GTF2B: variants seen among roughly 807,000 people sequenced by gnomAD.
The protein encoded by GTF2B is general transcription factor IIB.
A neutral mutation model predicts 34.6 loss-of-function variants in GTF2B; 20 were observed. The ratio of observed to expected loss-of-function variants is 0.58; its 90% confidence interval spans 0.41 to 0.84. The LOEUF (loss-of-function observed/expected upper bound fraction) is 0.84, where lower values mean the gene tolerates loss of function less well. Ranked by LOEUF, GTF2B falls within the 40% of genes least tolerant of loss-of-function variation. The pLI is 0.00. For synonymous variants in GTF2B, 142 were observed against 132.4 expected, an observed-to-expected ratio of 1.07 and a Z score of -0.50; for missense variants, 237 against 393.3, an observed-to-expected ratio of 0.60 and a Z score of 3.36.
At chr1:88,878,358 AATC>A (rs1673858418) in intron 2 of GTF2B, among the ~76,000 whole-genome samples, 1 of 152,234 alleles carries the variant, frequency 6.6e-6, no homozygotes, top group South Asian at 2.1e-4. Flanking sequence ...GCTAATACCA[AATC>A]ATAACACTTC....
At chr1:88,855,068 T>A (rs1272506992) in intron 6 of GTF2B, among the ~76,000 whole-genome samples, 3 of 152,218 alleles carry the variant, frequency 2.0e-5, no homozygotes, top group Admixed American at 2.0e-4. Context: ...GCAACAAGAT[T>A]AATGTTTTCA....
At chr1:88,873,538 G>A (rs1673748331) in intron 2 of GTF2B, among the ~76,000 whole-genome samples, 1 of 151,952 alleles carries the variant, frequency 6.6e-6, no homozygotes, top group Non-Finnish European at 1.5e-5. Context: ...TACAGGTAGG[G>A]TTGCTATAAT....
At chr1:88,878,921 A>T (rs1197034094) in intron 2 of GTF2B, among the ~76,000 whole-genome samples, 1 of 152,250 alleles carries the variant, frequency 6.6e-6, no homozygotes, top group Non-Finnish European at 1.5e-5. Context: ...CAAGTGAAGA[A>T]GTTATCATAG....
At position 88,864,683 on chromosome 1, in the gene GTF2B, A is replaced by C. The variant is rs115061466; in HGVS notation, c.125-569T>G. 2.9e-3 allele frequency among the ~76,000 whole-genome samples: 449 copies of C among 152,336 alleles called. 4 individuals are homozygous for C. The highest frequency in any genetic ancestry group is 0.01 in the African/African-American group (427 of 41,586). On this transcript the variant is annotated intron_variant, in intron 2 of 6. Transcript: ENST00000370500. ...GCCTGGTAGGCAAACTTTTCTCTTT[A>C]AGCAAAGAGGCAGCATCTAAATATA...
intron 2 of GTF2B, among the ~76,000 whole-genome samples, chr1:88,873,843 T>C (rs527439987): frequency 6.6e-5 from 10 of 152,270 alleles, no homozygotes; most frequent in African/African-American, 1.9e-4. Context: ...CTTAACCACA[T>C]GGCGTACCTA....
intron 2 of GTF2B, among the ~76,000 whole-genome samples, chr1:88,886,432 T>C (rs1442135115): frequency 1.3e-5 from 2 of 152,202 alleles, no homozygotes; most frequent in Non-Finnish European, 2.9e-5. Context: ...AGTGTGCAAG[T>C]AGGAACAAGG....
intron 5 of GTF2B, among the ~76,000 whole-genome samples, chr1:88,859,083 G>C (rs1038657410): frequency 6.6e-6 from 1 of 152,016 alleles, no homozygotes; most frequent in South Asian, 2.1e-4. Flanking sequence ...GGCCAGGCTG[G>C]TCTTGAACTC....
In GTF2B at chr1:88,863,965, C is replaced by A; in HGVS notation, c.258+16G>T. 1 of 1,612,484 alleles carries A rather than the reference C, an allele frequency of 6.2e-7. No individual in the cohort carries two copies. Among genetic ancestry groups the A allele is most frequent in the Admixed American group, 1.7e-5 (1 of 59,990 alleles). Reference sequence around the variant, plus strand: ...TCACTCTGCAATTGGTATTTCCTGCCAAATGGACTTATTACCTTGCCAATC... The same window carrying A: ...TCACTCTGCAATTGGTATTTCCTGCAAAATGGACTTATTACCTTGCCAATC... On this transcript the variant is annotated intron_variant, in intron 3 of 6. Coordinates refer to ENST00000370500, the MANE Select transcript of GTF2B (RefSeq NM_001514.6).
chr1:88,878,193 G>A (rs7528379), intron 2 of GTF2B, among the ~76,000 whole-genome samples: 17,700 of 151,992 alleles, frequency 0.12, 2,480 homozygotes, highest in African/African-American at 0.34. Flanking sequence ...TCGCTTGAAC[G>A]AACCAGGGAG....
chr1:88,859,701 T>C lies in GTF2B; in HGVS notation c.535+181A>G, dbSNP rs192055381. On this transcript the variant is annotated intron_variant, in intron 5 of 6. Transcript: ENST00000370500. ...AAATACAAAAGTTAACCAGGTGTGG[T>C]GGCACATGCCTGTAATCCCAGCTAC... is the stretch of plus-strand genomic sequence containing the variant. Among the ~76,000 whole-genome samples, 378 of 152,260 alleles carry C rather than the reference T, an allele frequency of 2.5e-3. 2 individuals are homozygous for C. The highest frequency in any genetic ancestry group is 8.9e-3 in the African/African-American group (371 of 41,544).
chr1:88,861,473 T>A (rs1673439782), intron 3 of GTF2B, among the ~76,000 whole-genome samples: 1 of 152,184 alleles, frequency 6.6e-6, no homozygotes, highest in African/African-American at 2.4e-5. Flanking sequence ...GAGACCAGCC[T>A]GATGATCACG....
At chr1:88,886,406 G>T (rs1674069127) in intron 2 of GTF2B, among the ~76,000 whole-genome samples, 1 of 152,164 alleles carries the variant, frequency 6.6e-6, no homozygotes, top group Non-Finnish European at 1.5e-5. Flanking sequence ...CTAAAGTTCT[G>T]CTGCATATCT....
Position 88,860,020 on chromosome 1 carries a change from C to G in GTF2B, c.406-9G>C. 6.2e-7 allele frequency: 1 copy of G among 1,613,332 alleles called. No homozygotes were observed. The highest frequency in any genetic ancestry group is 8.5e-7 in the Non-Finnish European group (1 of 1,179,536). On this transcript the variant is annotated splice_polypyrimidine_tract_variant and intron_variant, in intron 4 of 6. Coordinates refer to ENST00000370500, the MANE Select transcript of GTF2B (RefSeq NM_001514.6). ...AAATTATTTGTTCGATCCTTCAAAG[C>G]AGAGAAACTAAGTTTAACTCTACGT...
At chr1:88,883,653 C>G (rs934219719) in intron 2 of GTF2B, among the ~76,000 whole-genome samples, 20 of 151,714 alleles carry the variant, frequency 1.3e-4, no homozygotes, top group Non-Finnish European at 2.5e-4. Context: ...CAGAGTGAGA[C>G]TCTGTCTCAA....
chr1:88,891,524 A>G lies in GTF2B; in HGVS notation c.-25T>C. Reference sequence around the variant, plus strand: ...TCTTCACGGCGACTGCGGTGCCCGCAACAAGACACAACAGACACACCGAAA... The same window carrying G: ...TCTTCACGGCGACTGCGGTGCCCGCGACAAGACACAACAGACACACCGAAA... On this transcript the variant is annotated 5_prime_UTR_variant, in exon 1 of 7. Coordinates refer to ENST00000370500, the MANE Select transcript of GTF2B (RefSeq NM_001514.6). 6.3e-7 allele frequency: 1 copy of G among 1,597,856 alleles called. No homozygotes were observed. The highest frequency in any genetic ancestry group is 8.5e-7 in the Non-Finnish European group (1 of 1,170,376).
intron 2 of GTF2B, among the ~76,000 whole-genome samples, chr1:88,882,310 CAAAAAAAAA>C (rs59699371): frequency 1.4e-4 from 5 of 36,020 alleles, no homozygotes; most frequent in African/African-American, 3.2e-4. Context: ...ACTCTCACTC[CAAAAAAAAA>C]AAAAAAAAAA....
intron 2 of GTF2B, among the ~76,000 whole-genome samples, chr1:88,866,788 G>A (rs1162783641): frequency 2.0e-5 from 3 of 152,194 alleles, no homozygotes; most frequent in Non-Finnish European, 4.4e-5. Flanking sequence ...ACATTACAAA[G>A]GGATTGAGAT....
At chr1:88,882,257 C>G (rs1446863079) in intron 2 of GTF2B, among the ~76,000 whole-genome samples, 3 of 126,206 alleles carry the variant, frequency 2.4e-5, no homozygotes, top group Admixed American at 1.0e-4. Flanking sequence ...CTGCAGTGAG[C>G]GGAGATCGTG....
chr1:88,864,640 A>G (rs1378209399), intron 2 of GTF2B, among the ~76,000 whole-genome samples: 1 of 152,264 alleles, frequency 6.6e-6, no homozygotes, highest in Non-Finnish European at 1.5e-5. Context: ...CCTCAAGCCT[A>G]GAATCCGTGA....
Sources: gnomAD v4.1 joint callset for allele counts (sites outside exome capture counted in the v4.1 genomes callset) on GRCh38, gnomAD v4.1.1 for gene constraint, MANE v1.5 for transcripts, NCBI Gene and HGNC (gene_info 2026-07-23, HGNC 2026-07-21) for gene names.